C16orf89: variants seen among roughly 807,000 people sequenced by gnomAD.
C16orf89 encodes chromosome 16 open reading frame 89, also known as UPF0764 protein C16orf89.
Under a neutral mutation model 41.5 loss-of-function variants are expected in C16orf89, and 57 were observed. The ratio of observed to expected loss-of-function variants is 1.38; its 90% CI spans 1.11 to 1.71. The LOEUF is 1.71. Ranked by LOEUF, C16orf89 falls within the 40% of genes most tolerant of loss-of-function variation. The probability of loss-of-function intolerance (pLI) is 0.00; values close to 1 mark genes in which losing one functional copy is unlikely to be tolerated. For synonymous variants in C16orf89, 223 were observed against 190.6 expected (o/e 1.17, Z -1.40); for missense variants, 575 against 445.9 (o/e 1.29, Z -2.61).
At position 5,063,048 on chromosome 16, in the gene C16orf89, C is replaced by G. The variant is rs1190997014; in HGVS notation, c.209-474G>C. On this transcript the variant is annotated intron_variant, in intron 1 of 7. Transcript: ENST00000472572. The stretch of plus-strand genomic sequence containing the variant: ...TCAAGTGACTTCAGGAAGGAAGTGC[C>G]TTTTTCTAATTCCCACAGAGGTACC... 2.8e-4 allele frequency among the ~76,000 whole-genome samples: 42 copies of G among 152,084 alleles called. 1 individual carries two copies. Among genetic ancestry groups the G allele is most frequent in the Admixed American group, 2.8e-3 (42 of 15,262 alleles).
At chr16:5,065,640 A>G in intron 1 of C16orf89, 61 bp downstream of exon 1, 1 of 1,517,572 alleles carries the variant, frequency 6.6e-7, no homozygotes. Flanking sequence ...AGAGCAGGGC[A>G]GGGGACAAAG....
At chr16:5,052,505 C>G (rs1401772704) in intron 6 of C16orf89, among the ~76,000 whole-genome samples, 1 of 152,036 alleles carries the variant, frequency 6.6e-6, no homozygotes, top group Non-Finnish European at 1.5e-5. Context: ...GCTGGAGAAT[C>G]TCTTGAACCC....
At chr16:5,046,849 T>C (rs1225745889) in intron 7 of C16orf89, among the ~76,000 whole-genome samples, 1 of 152,126 alleles carries the variant, frequency 6.6e-6, no homozygotes. Context: ...GACCATACAG[T>C]TTATTGTCGC....
At chr16:5,061,743 A>C (rs1344508581) in intron 2 of C16orf89, among the ~76,000 whole-genome samples, 1 of 152,144 alleles carries the variant, frequency 6.6e-6, no homozygotes, top group African/African-American at 2.4e-5. Flanking sequence ...CCGTGTGAGC[A>C]TGAAGCGTGG....
chr16:5,054,907 C>T (rs1956461530), intron 6 of C16orf89, among the ~76,000 whole-genome samples: 1 of 152,182 alleles, frequency 6.6e-6, no homozygotes, highest in African/African-American at 2.4e-5. Context: ...CAGTGTGCAA[C>T]TGTGAGTCCA....
At chr16:5,062,617 G>A (rs1194062061) in intron 1 of C16orf89, 43 bp from the exon 2 acceptor site, 1 of 1,523,244 alleles carries the variant, frequency 6.6e-7, no homozygotes, top group Admixed American at 2.2e-5. Context: ...TTTGGAATCG[G>A]GACCTTTTTT....
chr16:5,053,387 A>C (rs1956432990), intron 6 of C16orf89, among the ~76,000 whole-genome samples: 1 of 150,576 alleles, frequency 6.6e-6, no homozygotes, highest in Admixed American at 6.6e-5. Flanking sequence ...AAAGAAGTGG[A>C]GTGTTGAATA....
At chr16:5,057,479 G>GTATA (rs201244784) in intron 4 of C16orf89, among the ~76,000 whole-genome samples, 6 of 144,712 alleles carry the variant, frequency 4.1e-5, no homozygotes, top group East Asian at 4.1e-4. Context: ...TGGTGTGTGT[G>GTATA]TATATATATA....
intron 7 of C16orf89, chr16:5,044,711 G>A (rs1162965576): frequency 1.0e-6 from 1 of 980,466 alleles, no homozygotes; most frequent in Non-Finnish European, 1.4e-6. Context: ...AGGTATGGTG[G>A]CACGCTCCTG....
chr16:5,063,471 G>A (rs566179176), intron 1 of C16orf89, among the ~76,000 whole-genome samples: 2 of 152,300 alleles, frequency 1.3e-5, no homozygotes, highest in African/African-American at 4.8e-5. Context: ...GTCCATTACT[G>A]GTCTATGGCC....
Position 5,060,283 on chromosome 16 carries a change from C to G in C16orf89, c.509+3G>C, listed in dbSNP as rs1956588582. 1 of 1,605,074 alleles carries G rather than the reference C, an allele frequency of 6.2e-7. No individual in the cohort carries two copies. The highest frequency in any genetic ancestry group is 8.5e-7 in the Non-Finnish European group (1 of 1,175,018). ...CAGCAAATAGGGCAAGTGCAGGGCC[C>G]ACCCGGTTCCCAGCAGCTGCACCAG... On this transcript the variant is annotated splice_donor_region_variant and intron_variant, in intron 3 of 7. Coordinates refer to ENST00000472572, the MANE Select transcript of C16orf89 (RefSeq NM_001098514.3).
chr16:5,052,974 C>T lies in C16orf89; in HGVS notation c.868+2272G>A, dbSNP rs147047521. On this transcript the variant is annotated intron_variant, in intron 6 of 7. Transcript: ENST00000472572. ...AATAACCAAATTCTTTCATTCATAGCAACATCGATGAACTTGGAGGACATT... is the reference window on the plus strand; with the variant it reads ...AATAACCAAATTCTTTCATTCATAGTAACATCGATGAACTTGGAGGACATT... Among the ~76,000 whole-genome samples the T allele has an allele frequency of 1.7e-3, 252 of 152,308 alleles. 1 individual carries two copies. The highest frequency in any genetic ancestry group is 5.2e-3 in the African/African-American group (218 of 41,548).
At chr16:5,056,893 C>G (rs1956519495) in intron 4 of C16orf89, among the ~76,000 whole-genome samples, 1 of 152,110 alleles carries the variant, frequency 6.6e-6, no homozygotes, top group Non-Finnish European at 1.5e-5. Context: ...TTTCTGGACA[C>G]TGAATCACAT....
At chr16:5,055,989 GTGTGTGTGTGT>G in intron 5 of C16orf89, 53 bp downstream of exon 5, 1 of 1,057,166 alleles carries the variant, frequency 9.5e-7, no homozygotes, top group Non-Finnish European at 1.4e-6. Context: ...GTGTGTGTGT[GTGTGTGTGTGT>G]TGGTGGGGGG....
At chr16:5,057,443 T>C (rs1394005840) in intron 4 of C16orf89, among the ~76,000 whole-genome samples, 1 of 148,602 alleles carries the variant, frequency 6.7e-6, no homozygotes, top group African/African-American at 2.5e-5. Context: ...TGGTAGTATA[T>C]ATATAAAGAA....
Position 5,044,768 on chromosome 16 carries a change from C to T in C16orf89, c.956-290G>A, listed in dbSNP as rs1205246938. The T allele has an allele frequency of 1.2e-5, 14 of 1,122,968 alleles. No homozygotes were observed. In the East Asian group the frequency reaches 2.6e-4, roughly 21 times the overall value. 69.6% of individuals were successfully genotyped at this position (1,122,968 alleles called of 1,614,324 possible). ...ATGAGGCAAGAGAATTGCTTGAACC[C>T]AGGAGGCAAAGGTTGCAGTGAGCCG... On this transcript the variant is annotated intron_variant, in intron 7 of 7. Coordinates refer to ENST00000472572, the MANE Select transcript of C16orf89 (RefSeq NM_001098514.3).
In C16orf89 at chr16:5,062,547, C is replaced by T. The variant is rs1199739310; in HGVS notation, c.236G>A (p.Trp79Ter). The T allele has an allele frequency of 3.7e-6, 6 of 1,612,946 alleles. No individual in the cohort carries two copies. Among genetic ancestry groups the T allele is most frequent in the Non-Finnish European group, 4.2e-6 (5 of 1,179,462 alleles). The change falls in exon 2 of 8, where the codon TGG becomes TAG. Residue 79 changes from tryptophan to a stop codon, truncating the protein, a stop_gained. Transcript: ENST00000472572. LOFTEE classifies it high-confidence loss of function. ...CGGCTGCAGCAGGGGCTCCTGGGCC[C>T]ACTTCTCCCGGACACTTTTTAGCTG... ...EEQLKSVREKWAQEPLLQPLS... is the reference protein window; with the variant it reads ...EEQLKSVREK
At chr16:5,061,547 G>A (rs1367809011) in intron 2 of C16orf89, among the ~76,000 whole-genome samples, 2 of 150,600 alleles carry the variant, frequency 1.3e-5, no homozygotes, top group African/African-American at 4.9e-5. Context: ...GAATTAGTGG[G>A]GAGGTGATAT....
At chr16:5,060,501 G>C in intron 2 of C16orf89, 65 bp from the exon 3 acceptor site, 1 of 1,495,464 alleles carries the variant, frequency 6.7e-7, no homozygotes, top group Middle Eastern at 2.1e-4. Flanking sequence ...GGGCCACCCT[G>C]GTGTCCCCAC....
Sources: gnomAD v4.1 joint callset for allele counts (sites outside exome capture counted in the v4.1 genomes callset) on GRCh38, gnomAD v4.1.1 for gene constraint, MANE v1.5 for transcripts, NCBI Gene and HGNC (gene_info 2026-07-23, HGNC 2026-07-21) for gene names.